The following ASXL2 variants were observed in gnomAD, a reference collection of about 807,000 sequenced individuals.
ASXL2 encodes the protein putative Polycomb group protein ASXL2.
Under a neutral mutation model 122.0 loss-of-function variants are expected in ASXL2, and 23 were observed. The observed-to-expected ratio is 0.19, with a 90% CI of 0.14 to 0.27. The LOEUF is 0.27. Among genes scored for constraint, ASXL2 ranks in the 10% least tolerant of loss-of-function variants. ASXL2 has a pLI of 1.00. For synonymous variants in ASXL2, 650 were observed against 637.0 expected, an observed-to-expected ratio of 1.02 and a Z score of -0.31; for missense variants, 1,518 against 1,713.8, an observed-to-expected ratio of 0.89 and a Z score of 2.02.
At chr2:25,774,345 T>A (rs565200176) in intron 5 of ASXL2, among the ~76,000 whole-genome samples, 2 of 152,290 alleles carry the variant, frequency 1.3e-5, no homozygotes, top group East Asian at 3.9e-4. Flanking sequence ...TTAAATTTTT[T>A]AAAAAAGGAT....
intron 1 of ASXL2, among the ~76,000 whole-genome samples, chr2:25,857,348 A>G (rs184988311): frequency 2.6e-4 from 40 of 152,334 alleles, no homozygotes; most frequent in Non-Finnish European, 4.6e-4. Context: ...AGTCTAGGAA[A>G]TAAAATCTTT....
At chr2:25,863,857 T>G (rs563530631) in intron 1 of ASXL2, among the ~76,000 whole-genome samples, 1 of 151,380 alleles carries the variant, frequency 6.6e-6, no homozygotes, top group South Asian at 2.1e-4. Context: ...AGTACAAAAA[T>G]TAGCTGGGTA....
At chr2:25,768,956 C>CCAGT in intron 6 of ASXL2, 88 bp from the exon 7 acceptor site, 9 of 1,396,394 alleles carry the variant, frequency 6.4e-6, no homozygotes, top group Non-Finnish European at 7.7e-6. Flanking sequence ...TGGCAAGAAG[C>CCAGT]ATGCTGATCG....
intron 5 of ASXL2, among the ~76,000 whole-genome samples, chr2:25,789,050 A>G (rs2088790903): frequency 6.6e-6 from 1 of 152,104 alleles, no homozygotes; most frequent in South Asian, 2.1e-4. Flanking sequence ...AAATTTTAGA[A>G]GCAGCTTGTC....
chr2:25,845,580 T>A lies in ASXL2; in HGVS notation c.58-17A>T, dbSNP rs780426661. The A allele has an allele frequency of 1.9e-6, 2 of 1,050,752 alleles. No homozygotes were observed. Among genetic ancestry groups the A allele is most frequent in the Non-Finnish European group, 2.6e-6 (2 of 783,100 alleles). The allele number at this position is 1,050,752 out of a possible 1,614,324, so 65.1% of individuals were successfully genotyped here. A position where few individuals can be genotyped will look rare whatever the true frequency, so the allele number is the denominator to read the frequency against. On this transcript the variant is annotated splice_polypyrimidine_tract_variant and intron_variant, in intron 1 of 12. Coordinates refer to ENST00000435504, the MANE Select transcript of ASXL2 (RefSeq NM_018263.6). ...TTCTAAGACCTGAAAAACAAGTATA[T>A]AATAATAAATTATTTCTTATTTCAA... is the stretch of plus-strand genomic sequence containing the variant.
chr2:25,862,451 C>T (rs751604895), intron 1 of ASXL2, among the ~76,000 whole-genome samples: 1 of 152,084 alleles, frequency 6.6e-6, no homozygotes, highest in Non-Finnish European at 1.5e-5. Context: ...ATACATTAGA[C>T]GGCCAAGATC....
At chr2:25,813,184 A>C (rs969339461) in intron 3 of ASXL2, among the ~76,000 whole-genome samples, 3 of 152,212 alleles carry the variant, frequency 2.0e-5, no homozygotes, top group Admixed American at 2.0e-4. Context: ...GGATCCACAG[A>C]GGGAAGCTTT....
Position 25,739,769 on chromosome 2 carries a change from C to T in ASXL2, c.*2260G>A, listed in dbSNP as rs1574387062. ...AGTTAAGGGTAGCACAGAGGAAAAC[C>T]TTTCTGACAGGAAAAAGGTAAAGCA... is the stretch of plus-strand genomic sequence containing the variant. On this transcript the variant is annotated 3_prime_UTR_variant, in exon 13 of 13. Transcript: ENST00000435504. The T allele has an allele frequency of 2.7e-5, 6 of 219,148 alleles. No individual in the cohort carries two copies. The East Asian group carries it at 4.0e-4, about 15-fold the overall frequency. 13.6% of individuals were successfully genotyped at this position (219,148 alleles called of 1,614,324 possible).
Position 25,799,302 on chromosome 2 carries a change from G to C in ASXL2, c.403+83C>G, listed in dbSNP as rs2088959873. 14 of 1,582,562 alleles carry C rather than the reference G, an allele frequency of 8.8e-6. No individual in the cohort carries two copies. The East Asian group carries it at 3.1e-4, about 35-fold the overall frequency. On this transcript the variant is annotated intron_variant, in intron 5 of 12. Transcript: ENST00000435504. ...GTAAGGGAAAGTGACTGACTGACCT[G>C]GAGTCTGGGAAAAGAGGAACTACTA...
chr2:25,844,220 T>C (rs2089622499), intron 2 of ASXL2, among the ~76,000 whole-genome samples: 1 of 152,200 alleles, frequency 6.6e-6, no homozygotes, highest in South Asian at 2.1e-4. Flanking sequence ...CAAATTTCTG[T>C]CTTAATATAC....
At chr2:25,813,629 C>T (rs1318947834) in intron 3 of ASXL2, among the ~76,000 whole-genome samples, 2 of 152,110 alleles carry the variant, frequency 1.3e-5, no homozygotes, top group African/African-American at 4.8e-5. Flanking sequence ...GAAAAAAAAT[C>T]AGTCTAGTCT....
At chr2:25,813,410 T>C (rs1169253219) in intron 3 of ASXL2, among the ~76,000 whole-genome samples, 2 of 152,208 alleles carry the variant, frequency 1.3e-5, no homozygotes, top group South Asian at 2.1e-4. Context: ...CAGCATCCCA[T>C]AACCAAACAC....
At chr2:25,816,918 T>C (rs569654287) in intron 3 of ASXL2, among the ~76,000 whole-genome samples, 2 of 152,262 alleles carry the variant, frequency 1.3e-5, no homozygotes, top group South Asian at 4.1e-4. Context: ...TGAGGTCTGA[T>C]GTTCGAGGCC....
At chr2:25,832,141 AG>A (rs1226697716) in intron 3 of ASXL2, among the ~76,000 whole-genome samples, 1 of 152,236 alleles carries the variant, frequency 6.6e-6, no homozygotes, top group Non-Finnish European at 1.5e-5. Context: ...CAGAAAGAAC[AG>A]GAATAGGTAT....
chr2:25,877,819 AG>A (rs2090022251), intron 1 of ASXL2, among the ~76,000 whole-genome samples: 1 of 152,198 alleles, frequency 6.6e-6, no homozygotes, highest in Non-Finnish European at 1.5e-5. Flanking sequence ...CAGCCGCACA[AG>A]GGAGAAGAAC....
At chr2:25,860,890 T>C (rs1344225833) in intron 1 of ASXL2, among the ~76,000 whole-genome samples, 1 of 151,622 alleles carries the variant, frequency 6.6e-6, no homozygotes, top group Non-Finnish European at 1.5e-5. Flanking sequence ...TGCATGCTTG[T>C]AGTCCCAGCT....
chr2:25,853,849 C>A (rs897669618), intron 1 of ASXL2, among the ~76,000 whole-genome samples: 2 of 151,708 alleles, frequency 1.3e-5, no homozygotes, highest in African/African-American at 4.8e-5. Context: ...TATGACAGAT[C>A]TAAAACACTT....
At chr2:25,797,217 C>A (rs966649035) in intron 5 of ASXL2, among the ~76,000 whole-genome samples, 1 of 152,146 alleles carries the variant, frequency 6.6e-6, no homozygotes, top group Non-Finnish European at 1.5e-5. Flanking sequence ...GAGGCCAAGG[C>A]GGGTGGATCA....
intron 1 of ASXL2, among the ~76,000 whole-genome samples, chr2:25,876,386 C>T (rs2090009945): frequency 6.6e-6 from 1 of 152,148 alleles, no homozygotes; most frequent in Non-Finnish European, 1.5e-5. Context: ...AAAAAACACT[C>T]CTAAGATTCT....
Sources: gnomAD v4.1 joint callset for allele counts (sites outside exome capture counted in the v4.1 genomes callset) on GRCh38, gnomAD v4.1.1 for gene constraint, MANE v1.5 for transcripts, NCBI Gene and HGNC (gene_info 2026-07-23, HGNC 2026-07-21) for gene names.